Variants in KCND3 observed in about 807,000 individuals in gnomAD.
KCND3 encodes the protein potassium voltage-gated channel subfamily D member 3.
KCND3 carries 9 observed loss-of-function variants against 51.1 expected under a neutral mutation model. The ratio of observed to expected loss-of-function variants is 0.18; its 90% CI spans 0.11 to 0.31. The LOEUF (loss-of-function observed/expected upper bound fraction) is 0.31. Ranked by LOEUF, KCND3 falls within the 10% of genes least tolerant of loss-of-function variation. The probability of loss-of-function intolerance (pLI) is 1.00; values close to 1 mark genes in which losing one functional copy is unlikely to be tolerated. For missense variants in KCND3, 526 were observed against 903.8 expected (o/e 0.58, Z 5.36); for synonymous variants, 349 against 368.0 (o/e 0.95, Z 0.59).
At chr1:111,941,215 TTC>T (rs1180908933) in intron 2 of KCND3, among the ~76,000 whole-genome samples, 1 of 152,118 alleles carries the variant, frequency 6.6e-6, no homozygotes, top group African/African-American at 2.4e-5. Flanking sequence ...CATTTTCTAC[TTC>T]TCACTGCTAG....
rs564215811 is a variant in KCND3 at position 111,805,013 on chromosome 1, G to A, written c.1107-17907C>T. ...GTGAGTGGCTGACAGCACGGGTGAA[G>A]CACAGGGAGATCCTCCCAGCTGCAG... On this transcript the variant is annotated intron_variant, in intron 2 of 7. Coordinates refer to ENST00000302127, the MANE Select transcript of KCND3 (RefSeq NM_001378969.1). Among the ~76,000 whole-genome samples the A allele has an allele frequency of 3.3e-5, 5 of 152,314 alleles. No individual in the cohort carries two copies. In the South Asian group the frequency reaches 1.0e-3, roughly 32 times the overall value.
intron 2 of KCND3, among the ~76,000 whole-genome samples, chr1:111,914,427 CT>C (rs1671102130): frequency 6.6e-6 from 1 of 152,124 alleles, no homozygotes; most frequent in African/African-American, 2.4e-5. Context: ...AACCTATAAA[CT>C]CACTGATCCA....
chr1:111,904,707 T>C (rs1178810513), intron 2 of KCND3, among the ~76,000 whole-genome samples: 1 of 152,160 alleles, frequency 6.6e-6, no homozygotes, highest in Non-Finnish European at 1.5e-5. Flanking sequence ...GACGGCAAGC[T>C]GCGTGACAGC....
chr1:111,876,481 C>T (rs1157405447), intron 2 of KCND3, among the ~76,000 whole-genome samples: 1 of 152,182 alleles, frequency 6.6e-6, no homozygotes, highest in Admixed American at 6.5e-5. Flanking sequence ...CACAATGCAT[C>T]CCCACCCCAT....
At chr1:111,812,847 C>T (rs901962469) in intron 2 of KCND3, among the ~76,000 whole-genome samples, 3 of 152,232 alleles carry the variant, frequency 2.0e-5, no homozygotes, top group African/African-American at 4.8e-5. Context: ...GCACACACTA[C>T]TGCTGTCCCA....
At chr1:111,962,008 T>C (rs564008551) in intron 2 of KCND3, among the ~76,000 whole-genome samples, 1 of 152,276 alleles carries the variant, frequency 6.6e-6, no homozygotes, top group South Asian at 2.1e-4. Flanking sequence ...CCAAGAGTTA[T>C]TTACCAGTAA....
chr1:111,860,995 G>C (rs939766249), intron 2 of KCND3, among the ~76,000 whole-genome samples: 4 of 152,208 alleles, frequency 2.6e-5, no homozygotes, highest in Non-Finnish European at 4.4e-5. Context: ...GGAGCTGTCT[G>C]GCAGAGCCCC....
chr1:111,870,132 T>C (rs1668766175), intron 2 of KCND3, among the ~76,000 whole-genome samples: 3 of 152,346 alleles, frequency 2.0e-5, no homozygotes, highest in Admixed American at 2.0e-4. Context: ...GCATAATTGT[T>C]ACTCCTATTT....
intron 3 of KCND3, among the ~76,000 whole-genome samples, chr1:111,782,483 G>A (rs1395336928): frequency 6.6e-6 from 1 of 152,034 alleles, no homozygotes; most frequent in Non-Finnish European, 1.5e-5. Context: ...ATTGACTAGG[G>A]GGCCAGGACA....
intron 2 of KCND3, among the ~76,000 whole-genome samples, chr1:111,890,915 TG>T (rs1669791722): frequency 6.6e-6 from 1 of 152,074 alleles, no homozygotes; most frequent in Non-Finnish European, 1.5e-5. Flanking sequence ...TTTAGCAACA[TG>T]GAGGTCACAG....
intron 2 of KCND3, among the ~76,000 whole-genome samples, chr1:111,905,784 C>G (rs1460570892): frequency 3.3e-5 from 5 of 152,164 alleles, no homozygotes; most frequent in African/African-American, 1.2e-4. Context: ...AACAGTAATG[C>G]CTGGGCCCCA....
At chr1:111,940,195 GT>G (rs922509636) in intron 2 of KCND3, among the ~76,000 whole-genome samples, 14 of 138,478 alleles carry the variant, frequency 1.0e-4, no homozygotes, top group South Asian at 2.3e-4. Context: ...TCTGATGATA[GT>G]TTTTTTTTTG....
intron 2 of KCND3, among the ~76,000 whole-genome samples, chr1:111,895,280 G>A (rs1369697108): frequency 6.6e-6 from 1 of 151,942 alleles, no homozygotes; most frequent in Non-Finnish European, 1.5e-5. Flanking sequence ...CAGACTGCCT[G>A]GGGGTTTCTC....
In KCND3 at chr1:111,982,013, G is replaced by C. The variant is rs184017654; in HGVS notation, c.714C>G (p.Thr238=). 3.1e-6 allele frequency: 5 copies of C among 1,613,890 alleles called. No homozygotes were observed. Among genetic ancestry groups the C allele is most frequent in the Middle Eastern group, 3.3e-4 (2 of 6,062 alleles). ...CGAAGAGCCGCAGGAGGTACTCCAC[G>C]GTGAAGATCATGACGCACGCCGTGT... ...CLDTACVMIF[T]VEYLLRLFAA... is the part of the protein sequence containing the mutation. Residue 238 remains threonine, a synonymous_variant, in exon 2 of 8, where the codon ACC becomes ACG. Coordinates refer to ENST00000302127, the MANE Select transcript of KCND3 (RefSeq NM_001378969.1). The surrounding 1 kb of genome is among the most constrained non-coding windows in gnomAD (Gnocchi z 8.5).
chr1:111,964,578 A>G (rs1407992571), intron 2 of KCND3, among the ~76,000 whole-genome samples: 1 of 152,210 alleles, frequency 6.6e-6, no homozygotes, highest in African/African-American at 2.4e-5. Context: ...CACAGCTCTA[A>G]GGGAAAACAC....
chr1:111,937,978 G>A (rs986315811), intron 2 of KCND3, among the ~76,000 whole-genome samples: 14 of 152,222 alleles, frequency 9.2e-5, no homozygotes, highest in African/African-American at 3.4e-4. Context: ...TTGGAAGGAA[G>A]GTGAAGTCTG....
intron 2 of KCND3, among the ~76,000 whole-genome samples, chr1:111,832,178 C>T (rs1174054665): frequency 6.6e-6 from 1 of 152,238 alleles, no homozygotes; most frequent in Admixed American, 6.5e-5. Flanking sequence ...TGGGTCTACA[C>T]CTTCCCAGGC....
chr1:111,943,545 TAA>T (rs1672632109), intron 2 of KCND3, among the ~76,000 whole-genome samples: 1 of 152,194 alleles, frequency 6.6e-6, no homozygotes. Context: ...GGCTAGAACC[TAA>T]GTCTCCTGAT....
chr1:111,780,850 G>A lies in KCND3; in HGVS notation c.1270-59C>T, dbSNP rs774152949. ...AGACCATGATACAAAAAGACAGCAA[G>A]GCTGGTGAAGCTGTGAGGCTGGCTT... On this transcript the variant is annotated intron_variant, in intron 3 of 7. Transcript: ENST00000302127. This position sits in a 1 kb window ranked among gnomAD's most constrained non-coding sequence, Gnocchi z 4.2. 1.9e-5 allele frequency: 28 copies of A among 1,440,562 alleles called. No individual in the cohort carries two copies. Among genetic ancestry groups the A allele is most frequent in the Non-Finnish European group, 2.5e-5 (26 of 1,041,356 alleles). 89.2% of individuals were successfully genotyped at this position (1,440,562 alleles called of 1,614,324 possible).
Sources: gnomAD v4.1 joint callset for allele counts (sites outside exome capture counted in the v4.1 genomes callset) on GRCh38, gnomAD v4.1.1 for gene constraint, Gnocchi (gnomAD v3.1) non-coding constraint, MANE v1.5 for transcripts, NCBI Gene and HGNC (gene_info 2026-07-23, HGNC 2026-07-21) for gene names.